HNF4G: variants seen among roughly 807,000 people sequenced by gnomAD.
HNF4G encodes the protein hepatocyte nuclear factor 4-gamma.
Under a neutral mutation model 50.9 loss-of-function variants are expected in HNF4G, and 21 were observed. That is an observed-to-expected ratio of 0.41 (90% CI 0.29 to 0.59). The LOEUF is 0.59. Among genes scored for constraint, HNF4G ranks in the 20% least tolerant of loss-of-function variants. The probability of loss-of-function intolerance (pLI) is 0.26; values close to 1 mark genes in which losing one functional copy is unlikely to be tolerated. For synonymous variants in HNF4G, 198 were observed against 185.6 expected, an observed-to-expected ratio of 1.07 and a Z score of -0.54; for missense variants, 527 against 559.4, an observed-to-expected ratio of 0.94 and a Z score of 0.58.
At chr8:75,448,395 A>G (rs975640271) in intron 1 of HNF4G, among the ~76,000 whole-genome samples, 6 of 144,538 alleles carry the variant, frequency 4.2e-5, no homozygotes, top group Admixed American at 1.4e-4. Flanking sequence ...TAACCTGCAC[A>G]ATGTGCACAT....
In HNF4G at chr8:75,551,483, C is replaced by T. The variant is rs147422598; in HGVS notation, c.478C>T (p.Arg160Trp). 39 of 1,604,152 alleles carry T rather than the reference C, an allele frequency of 2.4e-5. No individual in the cohort carries two copies. Among genetic ancestry groups the T allele is most frequent in the Middle Eastern group, 1.7e-4 (1 of 6,044 alleles). Residue 160 changes from arginine (R) to tryptophan (W), a missense_variant, in exon 4 of 10, where the codon CGG becomes TGG. Transcript: ENST00000396423. ...SINTLAQAEV[R>W]SRQISVSSPG... is the part of the protein sequence containing the mutation. The stretch of plus-strand genomic sequence containing the variant: ...TAACACACTGGCACAAGCTGAAGTT[C>T]GGTCTCGCCAGGTACCTGTGGCACG...
chr8:75,525,215 G>A (rs1271747293), intron 2 of HNF4G, among the ~76,000 whole-genome samples: 1 of 152,218 alleles, frequency 6.6e-6, no homozygotes, highest in Admixed American at 6.5e-5. Context: ...TGTCTCCCAG[G>A]CTGGAGTGCA....
intron 1 of HNF4G, among the ~76,000 whole-genome samples, chr8:75,434,294 G>C (rs971751131): frequency 6.6e-6 from 1 of 152,126 alleles, no homozygotes; most frequent in African/African-American, 2.4e-5. Context: ...GAGCCACTGC[G>C]TCTGGCCTAA....
At position 75,473,688 on chromosome 8, in the gene HNF4G, A is replaced by G. The variant is rs115469857; in HGVS notation, c.-143-16401A>G. 5.8e-3 allele frequency among the ~76,000 whole-genome samples: 883 copies of G among 152,308 alleles called. 10 individuals carry two copies. Among genetic ancestry groups the G allele is most frequent in the African/African-American group, 0.02 (820 of 41,570 alleles). Reference sequence around the variant, plus strand: ...ATAAGATTTAACAAAGCTACATGTTAGGAAGATTAGACAGCTTAAACTTTC... The same window carrying G: ...ATAAGATTTAACAAAGCTACATGTTGGGAAGATTAGACAGCTTAAACTTTC... On this transcript the variant is annotated intron_variant, in intron 1 of 10. Transcript: ENST00000354370.
intron 2 of HNF4G, among the ~76,000 whole-genome samples, 153 bp downstream of exon 2, chr8:75,544,132 T>C (rs143189021): frequency 2.0e-5 from 3 of 152,376 alleles, no homozygotes; most frequent in African/African-American, 7.2e-5. Context: ...TGTGGGTATG[T>C]ACACAGGATG....
chr8:75,429,694 C>T (rs1407361180), intron 1 of HNF4G, among the ~76,000 whole-genome samples: 3 of 152,106 alleles, frequency 2.0e-5, no homozygotes, highest in Non-Finnish European at 2.9e-5. Context: ...TGTTTTGTTC[C>T]TTTTAAAGCA....
chr8:75,531,543 A>C (rs2130767046), intron 2 of HNF4G, among the ~76,000 whole-genome samples: 1 of 152,254 alleles, frequency 6.6e-6, no homozygotes, highest in African/African-American at 2.4e-5. Context: ...CAAAATAATT[A>C]TTTGGATGAA....
intron 1 of HNF4G, among the ~76,000 whole-genome samples, chr8:75,475,729 TTTTTA>T (rs1443857392): frequency 6.6e-6 from 1 of 152,142 alleles, no homozygotes; most frequent in African/African-American, 2.4e-5. Flanking sequence ...TCATTTATTG[TTTTTA>T]TTTTAAAGTG....
At chr8:75,523,623 A>G (rs80017460) in intron 2 of HNF4G, among the ~76,000 whole-genome samples, 2,373 of 152,226 alleles carry the variant, frequency 0.016, 73 homozygotes, top group East Asian at 0.11. Context: ...TATGTGTAAT[A>G]GTGCTATCTA....
At chr8:75,486,199 T>A (rs1812493020) in intron 1 of HNF4G, among the ~76,000 whole-genome samples, 1 of 152,202 alleles carries the variant, frequency 6.6e-6, no homozygotes, top group Non-Finnish European at 1.5e-5. Context: ...TTCTTGACCT[T>A]AACCTTACAA....
intron 1 of HNF4G, among the ~76,000 whole-genome samples, chr8:75,447,637 CT>C (rs1811454853): frequency 6.6e-6 from 1 of 152,162 alleles, no homozygotes; most frequent in Non-Finnish European, 1.5e-5. Context: ...TGAACAGACA[CT>C]TCTCAAAAGA....
At chr8:75,536,415 C>A (rs1270616210), upstream of HNF4G, among the ~76,000 whole-genome samples, 3 of 151,780 alleles carry the variant, frequency 2.0e-5, no homozygotes, top group Non-Finnish European at 2.9e-5. Context: ...GGATAATTTT[C>A]TTCTACTATC....
intron 2 of HNF4G, among the ~76,000 whole-genome samples, chr8:75,526,686 C>T (rs537722221): frequency 1.6e-4 from 24 of 151,914 alleles, no homozygotes; most frequent in African/African-American, 5.6e-4. Context: ...AAGCATGCCA[C>T]CACACAAGAC....
chr8:75,482,393 T>G (rs1286545071), intron 1 of HNF4G, among the ~76,000 whole-genome samples: 1 of 151,212 alleles, frequency 6.6e-6, no homozygotes, highest in Non-Finnish European at 1.5e-5. Context: ...TTAGAAGGAG[T>G]CTCTCTCTGT....
upstream of HNF4G, chr8:75,407,837 C>T (rs1810397220): frequency 6.6e-6 from 1 of 152,242 alleles, no homozygotes; most frequent in African/African-American, 2.4e-5. Flanking sequence ...TTTCAGCAAA[C>T]TTCCCAGCCT....
intron 1 of HNF4G, among the ~76,000 whole-genome samples, chr8:75,453,634 G>C (rs1037986225): frequency 1.3e-5 from 2 of 151,798 alleles, no homozygotes; most frequent in African/African-American, 4.8e-5. Flanking sequence ...ATCTTTAAGA[G>C]CTGTAACACT....
chr8:75,553,706 A>G lies in HNF4G; in HGVS notation c.645+509A>G, dbSNP rs909014708. Among the ~76,000 whole-genome samples, 5 of 152,266 alleles carry G rather than the reference A, an allele frequency of 3.3e-5. No homozygotes were observed. In the East Asian group the frequency reaches 7.7e-4, roughly 23 times the overall value. ...TTTTACCTTTCATGCTGTCAATTTTATTCTAGAATTTATTGTATAAAAGTT... is the reference window on the plus strand; with the variant it reads ...TTTTACCTTTCATGCTGTCAATTTTGTTCTAGAATTTATTGTATAAAAGTT... On this transcript the variant is annotated intron_variant, in intron 5 of 9. Transcript: ENST00000396423.
At chr8:75,562,308 A>G (rs898704783) in intron 9 of HNF4G, among the ~76,000 whole-genome samples, 14 of 152,180 alleles carry the variant, frequency 9.2e-5, no homozygotes, top group Admixed American at 5.9e-4. Context: ...AACCAAAATT[A>G]TTTGAATATA....
At chr8:75,409,555 C>G (rs949094575) in intron 1 of HNF4G, among the ~76,000 whole-genome samples, 1 of 126,340 alleles carries the variant, frequency 7.9e-6, no homozygotes, top group South Asian at 2.7e-4. Context: ...GTGGCACAAT[C>G]TCGGCTCACT....
Sources: gnomAD v4.1 joint callset for allele counts (sites outside exome capture counted in the v4.1 genomes callset) on GRCh38, gnomAD v4.1.1 for gene constraint, MANE v1.5 for transcripts, NCBI Gene and HGNC (gene_info 2026-07-23, HGNC 2026-07-21) for gene names.